WDR47: variants seen among roughly 807,000 people sequenced by gnomAD.
The protein encoded by WDR47 is WD repeat-containing protein 47.
Under a neutral mutation model 97.2 loss-of-function variants are expected in WDR47, and 32 were observed. That is an observed-to-expected ratio of 0.33 (90% CI 0.25 to 0.44). The LOEUF (loss-of-function observed/expected upper bound fraction) is 0.44. WDR47 is among the 20% of genes least tolerant of loss of function. WDR47 has a pLI of 1.00. For missense variants in WDR47, 782 were observed against 1,102.3 expected (o/e 0.71, Z 4.11); for synonymous variants, 375 against 373.5 (o/e 1.00, Z -0.05).
chr1:109,032,030 G>A (rs1165990322), intron 1 of WDR47, among the ~76,000 whole-genome samples: 1 of 136,944 alleles, frequency 7.3e-6, no homozygotes, highest in African/African-American at 2.6e-5. Flanking sequence ...CCACTCCTAG[G>A]CTACAGATAT....
chr1:109,001,484 A>G (rs1660185790), intron 7 of WDR47, among the ~76,000 whole-genome samples: 2 of 152,234 alleles, frequency 1.3e-5, no homozygotes, highest in African/African-American at 2.4e-5. Flanking sequence ...AACAATAAAA[A>G]TAGCAGCTAA....
rs372407811 is a variant in WDR47 at position 108,982,593 on chromosome 1, A to T, written c.2266+16T>A. On this transcript the variant is annotated intron_variant, in intron 12 of 14. Coordinates refer to ENST00000369962, the MANE Select transcript of WDR47 (RefSeq NM_001142551.2). ...GAACAAAAAGAAAAACAGCACTTGAAACTGATATTACATACCAGTATGTCC... is the reference window on the plus strand; with the variant it reads ...GAACAAAAAGAAAAACAGCACTTGATACTGATATTACATACCAGTATGTCC... The T allele has an allele frequency of 5.1e-6, 8 of 1,566,462 alleles. No homozygotes were observed. Among genetic ancestry groups the T allele is most frequent in the Non-Finnish European group, 6.0e-6 (7 of 1,163,734 alleles).
intron 7 of WDR47, among the ~76,000 whole-genome samples, chr1:108,998,508 C>CA (rs1180098406): frequency 2.7e-3 from 389 of 145,832 alleles, no homozygotes; most frequent in East Asian, 9.0e-3. Flanking sequence ...CCTCAAAAAA[C>CA]AAAAAAAAAA....
At position 108,983,387 on chromosome 1, in the gene WDR47, T is replaced by C; in HGVS notation, c.1990A>G (p.Ile664Val). 1 of 1,612,736 alleles carries C rather than the reference T, an allele frequency of 6.2e-7. No individual in the cohort carries two copies. Among genetic ancestry groups the C allele is most frequent in the Non-Finnish European group, 8.5e-7 (1 of 1,179,360 alleles). ...CAAGGACTCCAGGCCACACAGTAAA[T>C]GGATCCTTTATGATGTTTATTCCTT... ...FKRNKHHKGS[I>V]YCVAWSPCGQ... The change falls in exon 11 of 15, where the codon ATT becomes GTT. Residue 664 changes from isoleucine (I) to valine (V), a missense_variant. Physicochemically the swap from Ile to Val is conservative, Grantham distance 29. Coordinates refer to ENST00000369962, the MANE Select transcript of WDR47 (RefSeq NM_001142551.2).
rs1301311573 is a variant in WDR47, at chr1:109,011,683, T to C, written c.363A>G (p.Leu121=). The C allele has an allele frequency of 6.2e-7, 1 of 1,611,320 alleles. No homozygotes were observed. The highest frequency in any genetic ancestry group is 1.1e-5 in the South Asian group (1 of 90,908). ...AAGGACAGTATTCTTCTAGAGCATG[T>C]AAACATTGCACAGCTTCTTGCATGG... is the stretch of plus-strand genomic sequence containing the variant. ...EFTMQEAVQC[L]HALEEYCPSK... Residue 121 remains leucine, a synonymous_variant, in exon 5 of 15, where the codon TTA becomes TTG. Coordinates refer to ENST00000369962, the MANE Select transcript of WDR47 (RefSeq NM_001142551.2).
At chr1:109,033,147 A>G (rs1662715394) in intron 1 of WDR47, among the ~76,000 whole-genome samples, 1 of 151,800 alleles carries the variant, frequency 6.6e-6, no homozygotes, top group Non-Finnish European at 1.5e-5. Context: ...TACAAAAATT[A>G]GCTGGGCACA....
At chr1:109,033,692 G>C (rs547514246) in intron 1 of WDR47, among the ~76,000 whole-genome samples, 1 of 152,144 alleles carries the variant, frequency 6.6e-6, no homozygotes, top group African/African-American at 2.4e-5. Flanking sequence ...AGGCCAAGGC[G>C]GGCAGATCAC....
intron 1 of WDR47, chr1:109,030,274 A>C: frequency 6.6e-7 from 1 of 1,507,496 alleles, no homozygotes; most frequent in Non-Finnish European, 8.9e-7. Context: ...CAGGAGGAAA[A>C]GCAAGGCTTA....
rs1195489787 is a variant in WDR47, at chr1:109,007,066, T to G, written c.1131-2351A>C. Reference sequence around the variant, plus strand: ...GATCCTCCCACCTCAGCCTCCCAAGTAGCTGTGACTACAGGCACACGCCAC... The same window carrying G: ...GATCCTCCCACCTCAGCCTCCCAAGGAGCTGTGACTACAGGCACACGCCAC... On this transcript the variant is annotated intron_variant, in intron 5 of 14. Transcript: ENST00000369962. Among the ~76,000 whole-genome samples, 3 of 148,980 alleles carry G rather than the reference T, an allele frequency of 2.0e-5. No individual in the cohort carries two copies. In the East Asian group the frequency reaches 6.1e-4, roughly 30 times the overall value.
At chr1:109,015,080 G>C (rs978688358) in intron 3 of WDR47, among the ~76,000 whole-genome samples, 1 of 152,146 alleles carries the variant, frequency 6.6e-6, no homozygotes, top group Non-Finnish European at 1.5e-5. Flanking sequence ...ACTCTCAGAA[G>C]ACAATCAGAA....
chr1:109,008,284 GGAGT>G (rs1424052985), intron 5 of WDR47, among the ~76,000 whole-genome samples: 1 of 145,780 alleles, frequency 6.9e-6, no homozygotes, highest in Non-Finnish European at 1.5e-5. Flanking sequence ...TTTTTTTTTT[GGAGT>G]GAGATGGAGT....
intron 10 of WDR47, among the ~76,000 whole-genome samples, chr1:108,984,131 T>C (rs557852278): frequency 3.9e-5 from 6 of 152,266 alleles, no homozygotes; most frequent in East Asian, 1.9e-4. Context: ...AGGTATTTAG[T>C]AGAGTGAGCA....
At chr1:108,995,472 G>C in intron 8 of WDR47, 108 bp downstream of exon 8, 1 of 1,325,220 alleles carries the variant, frequency 7.5e-7, no homozygotes, top group Non-Finnish European at 1.0e-6. Context: ...AAATTGGTAG[G>C]CAGTAAGCTC....
chr1:108,980,454 C>T (rs1459305580), intron 13 of WDR47, among the ~76,000 whole-genome samples: 1 of 152,128 alleles, frequency 6.6e-6, no homozygotes, highest in Non-Finnish European at 1.5e-5. Flanking sequence ...AAGGACCAGG[C>T]GTGGTAGCTC....
At chr1:108,984,925 G>T (rs141241844) in intron 10 of WDR47, among the ~76,000 whole-genome samples, 4 of 152,184 alleles carry the variant, frequency 2.6e-5, no homozygotes, top group Non-Finnish European at 5.9e-5. Flanking sequence ...GAACAGACCA[G>T]ATAAAAAGAT....
intron 5 of WDR47, among the ~76,000 whole-genome samples, chr1:109,009,530 T>A (rs1660877945): frequency 6.6e-6 from 1 of 152,212 alleles, no homozygotes; most frequent in Non-Finnish European, 1.5e-5. Flanking sequence ...CAACCTGGTA[T>A]CCTACAATAA....
chr1:109,015,448 C>T (rs1482294745), intron 3 of WDR47, among the ~76,000 whole-genome samples: 3 of 151,990 alleles, frequency 2.0e-5, no homozygotes, highest in Admixed American at 2.0e-4. Context: ...CTCAGCCTCC[C>T]AAGTAGCTGG....
chr1:109,024,289 A>C (rs1282992125), intron 1 of WDR47, among the ~76,000 whole-genome samples: 1 of 151,932 alleles, frequency 6.6e-6, no homozygotes, highest in Non-Finnish European at 1.5e-5. Flanking sequence ...ACATCTGTAC[A>C]AAAAAAATTA....
intron 7 of WDR47, among the ~76,000 whole-genome samples, 171 bp downstream of exon 7, chr1:109,002,053 C>T (rs993063081): frequency 6.6e-6 from 1 of 152,198 alleles, no homozygotes; most frequent in African/African-American, 2.4e-5. Flanking sequence ...AAGGACAAAA[C>T]TAGATGAGCC....
Sources: allele counts gnomAD v4.1 joint callset (sites outside exome capture counted in the v4.1 genomes callset), GRCh38; gene constraint gnomAD v4.1.1; transcripts MANE v1.5; gene names NCBI Gene and HGNC (gene_info 2026-07-23, HGNC 2026-07-21).